The following PPP2R2B variants were observed in gnomAD, a reference collection of about 807,000 sequenced individuals.
PPP2R2B encodes serine/threonine-protein phosphatase 2A 55 kDa regulatory subunit B beta isoform.
In PPP2R2B, 5 loss-of-function variants were observed where a neutral mutation model predicts 46.0. The ratio of observed to expected loss-of-function variants is 0.11; its 90% CI spans 0.06 to 0.23. The LOEUF (loss-of-function observed/expected upper bound fraction) is 0.23, where lower values mean the gene tolerates loss of function less well. Among genes scored for constraint, PPP2R2B ranks in the 10% least tolerant of loss-of-function variants. The pLI is 1.00. For missense variants in PPP2R2B, 367 were observed against 575.0 expected, an observed-to-expected ratio of 0.64 and a Z score of 3.70; for synonymous variants, 215 against 206.7, an observed-to-expected ratio of 1.04 and a Z score of -0.34.
At chr5:146,914,537 T>A (rs1763308713) in intron 1 of PPP2R2B, 1 of 152,188 alleles carries the variant, frequency 6.6e-6, no homozygotes, top group Admixed American at 6.5e-5. Flanking sequence ...TATCAACAAA[T>A]TTGATCTCCT....
At chr5:146,679,984 T>C (rs1423403884) in intron 5 of PPP2R2B, among the ~76,000 whole-genome samples, 3 of 138,572 alleles carry the variant, frequency 2.2e-5, no homozygotes, top group African/African-American at 5.4e-5. Flanking sequence ...GAAGTCAGTG[T>C]GGCGATTCCT....
intron 7 of PPP2R2B, among the ~76,000 whole-genome samples, chr5:146,605,213 A>T (rs1232508962): frequency 6.6e-6 from 1 of 152,206 alleles, no homozygotes. Flanking sequence ...ATTTGAACTC[A>T]GTATACTTCC....
chr5:146,969,133 T>A (rs1187041727), intron 1 of PPP2R2B, among the ~76,000 whole-genome samples: 2 of 152,140 alleles, frequency 1.3e-5, no homozygotes, highest in Non-Finnish European at 2.9e-5. Context: ...TTGTAAGAAG[T>A]AAGATCAAGA....
chr5:146,972,322 A>G (rs912604744), intron 1 of PPP2R2B, among the ~76,000 whole-genome samples: 3 of 152,332 alleles, frequency 2.0e-5, no homozygotes, highest in East Asian at 3.9e-4. Flanking sequence ...GATTTAAGGT[A>G]GTGTTTGCCA....
intron 1 of PPP2R2B, among the ~76,000 whole-genome samples, chr5:146,956,380 C>T (rs1751910212): frequency 6.6e-6 from 1 of 152,126 alleles, no homozygotes; most frequent in African/African-American, 2.4e-5. Context: ...GTGGAACTGT[C>T]ATCACAGAAA....
chr5:146,643,262 T>G (rs1775344745), intron 6 of PPP2R2B, among the ~76,000 whole-genome samples: 1 of 151,924 alleles, frequency 6.6e-6, no homozygotes, highest in Non-Finnish European at 1.5e-5. Context: ...CTATAAGTGT[T>G]TCCAAAGAAT....
chr5:146,925,781 T>G (rs1400264262), intron 1 of PPP2R2B, among the ~76,000 whole-genome samples: 1 of 152,184 alleles, frequency 6.6e-6, no homozygotes, highest in Admixed American at 6.6e-5. Flanking sequence ...TGGTTGTTTC[T>G]GTGCTTGAGC....
intron 7 of PPP2R2B, among the ~76,000 whole-genome samples, chr5:146,607,456 T>G (rs1772400831): frequency 6.6e-6 from 1 of 152,176 alleles, no homozygotes; most frequent in Non-Finnish European, 1.5e-5. Context: ...CATATAGCCC[T>G]CCATTAATTC....
chr5:146,812,816 TATATATATATATAC>T lies in PPP2R2B; in HGVS notation c.70+65172_70+65185del, dbSNP rs1561927761. ...GTGTATATATATATATATATATATA[TATATATATATATAC>T]ACACACATTTCCATTATAAAACCAT... On this transcript the variant is annotated intron_variant, in intron 2 of 9. Coordinates refer to ENST00000394411, the MANE Select transcript of PPP2R2B (RefSeq NM_181675.4). Among the ~76,000 whole-genome samples the T allele has an allele frequency of 3.4e-5, 2 of 59,356 alleles. 1 individual carries two copies. The highest frequency in any genetic ancestry group is 1.8e-4 in the African/African-American group (2 of 11,410). 38.9% of individuals were successfully genotyped at this position (59,356 alleles called of 152,430 possible).
chr5:146,773,186 G>A (rs879382897), intron 2 of PPP2R2B, among the ~76,000 whole-genome samples: 6 of 152,198 alleles, frequency 3.9e-5, no homozygotes, highest in Admixed American at 1.3e-4. Flanking sequence ...TTAAATCAGC[G>A]TAAGGGATTA....
At chr5:146,994,151 C>A (rs1377797183) in intron 1 of PPP2R2B, among the ~76,000 whole-genome samples, 5 of 152,150 alleles carry the variant, frequency 3.3e-5, no homozygotes, top group Non-Finnish European at 7.3e-5. Context: ...TGGTCCATTT[C>A]AACAACTCAG....
intron 2 of PPP2R2B, among the ~76,000 whole-genome samples, chr5:146,826,402 T>C (rs947999617): frequency 2.0e-5 from 3 of 152,148 alleles, no homozygotes; most frequent in Non-Finnish European, 2.9e-5. Flanking sequence ...AGAGCCTAAG[T>C]CTAGCATTTT....
chr5:146,881,319 T>G (rs1191665991), upstream of PPP2R2B, among the ~76,000 whole-genome samples: 9 of 152,184 alleles, frequency 5.9e-5, no homozygotes, highest in Non-Finnish European at 1.2e-4. Context: ...TTTTTTTTTG[T>G]CTTTTTCATG....
Position 147,014,790 on chromosome 5 carries a change from C to T in PPP2R2B, c.79+40875G>A, listed in dbSNP as rs531028966. On this transcript the variant is annotated intron_variant, in intron 1 of 8. Transcript: ENST00000336640. ...GGGAGATATACCTAATGCTAGATGA[C>T]GAGTTAGTGGGTGCAGTGCACCAGC... is the stretch of plus-strand genomic sequence containing the variant. Among the ~76,000 whole-genome samples the T allele has an allele frequency of 1.6e-4, 24 of 151,472 alleles. No individual in the cohort carries two copies. In the South Asian group the frequency reaches 3.1e-3, roughly 20 times the overall value.
At chr5:146,708,070 T>C (rs1779978548) in intron 2 of PPP2R2B, among the ~76,000 whole-genome samples, 1 of 152,204 alleles carries the variant, frequency 6.6e-6, no homozygotes, top group Admixed American at 6.5e-5. Context: ...AAAATTTATA[T>C]ATAGGCTGGG....
chr5:146,660,492 G>A (rs1479751062), intron 5 of PPP2R2B, among the ~76,000 whole-genome samples: 11 of 152,118 alleles, frequency 7.2e-5, no homozygotes, highest in Admixed American at 7.2e-4. Context: ...TTCTTCCATG[G>A]ATCAATGGTG....
intron 2 of PPP2R2B, chr5:146,856,523 C>A (rs1171139440): frequency 1.2e-6 from 2 of 1,610,212 alleles, no homozygotes; most frequent in African/African-American, 2.7e-5. Flanking sequence ...GTGTTTTCAT[C>A]TGGATAATTC....
At chr5:146,960,996 A>G (rs1484281111) in intron 1 of PPP2R2B, among the ~76,000 whole-genome samples, 2 of 152,186 alleles carry the variant, frequency 1.3e-5, no homozygotes, top group African/African-American at 4.8e-5. Flanking sequence ...CAGGCTTAAC[A>G]TTTTTGTACA....
intron 8 of PPP2R2B, among the ~76,000 whole-genome samples, chr5:146,595,746 T>C (rs1771107561): frequency 1.3e-5 from 2 of 152,242 alleles, no homozygotes; most frequent in South Asian, 2.1e-4. Context: ...TAAAGTGAGA[T>C]GTATACATGA....
Sources: gnomAD v4.1 joint callset for allele counts (sites outside exome capture counted in the v4.1 genomes callset) on GRCh38, gnomAD v4.1.1 for gene constraint, MANE v1.5 for transcripts, NCBI Gene and HGNC (gene_info 2026-07-23, HGNC 2026-07-21) for gene names.